Variants in GNAT1 observed in about 807,000 individuals in gnomAD.
GNAT1 encodes the protein G protein subunit alpha transducin 1.
Under a neutral mutation model 40.0 loss-of-function variants are expected in GNAT1, and 36 were observed. The observed-to-expected ratio is 0.90, with a 90% CI of 0.69 to 1.19. GNAT1 has a LOEUF of 1.19. Ranked by LOEUF, GNAT1 falls within the 50% of genes most tolerant of loss-of-function variation. GNAT1 has a pLI of 0.00. For missense variants in GNAT1, 413 were observed against 480.6 expected, an observed-to-expected ratio of 0.86 and a Z score of 1.32; for synonymous variants, 195 against 192.9, an observed-to-expected ratio of 1.01 and a Z score of -0.09.
rs369148132 is a variant in GNAT1 at position 50,193,718 on chromosome 3, G to A, written c.450-35G>A. ...GCGCGGGGCGCAGGGGGCCCTCCAC[G>A]CCTCCCCACCCACCTACGGCCGGGT... On this transcript the variant is annotated intron_variant, in intron 4 of 8. Transcript: ENST00000232461. The surrounding 1 kb of genome is among the most constrained non-coding windows in gnomAD (Gnocchi z 8.1). 2.4e-5 allele frequency: 39 copies of A among 1,599,220 alleles called. No homozygotes were observed. The highest frequency in any genetic ancestry group is 3.2e-5 in the Non-Finnish European group (38 of 1,173,554).
rs1476813148 is a variant in GNAT1 at position 50,194,547 on chromosome 3, A to G, written c.755A>G (p.His252Arg). The change falls in exon 7 of 9, where the codon CAC (histidine) becomes CGC (arginine). Residue 252 changes from histidine to arginine, a missense_variant. His to Arg is a conservative substitution (Grantham distance 29, BLOSUM62 0). Transcript: ENST00000232461. This position sits in a 1 kb window ranked among gnomAD's most constrained non-coding sequence, Gnocchi z 6.1. ...SLHLFNSICNHRYFATTSIVL... is the reference protein window; with the variant it reads ...SLHLFNSICNRRYFATTSIVL... ...CACCTGTTCAACAGCATCTGCAACC[A>G]CCGCTACTTCGCCACGACGTCCATC... 6.2e-7 allele frequency: 1 copy of G among 1,613,632 alleles called. No individual in the cohort carries two copies. The highest frequency in any genetic ancestry group is 1.3e-5 in the African/African-American group (1 of 74,896).
chr3:50,194,752 C>G lies in GNAT1; in HGVS notation c.863-13C>G. 1 of 1,613,368 alleles carries G rather than the reference C, an allele frequency of 6.2e-7. No homozygotes were observed. The highest frequency in any genetic ancestry group is 1.1e-5 in the South Asian group (1 of 91,074). ...GGAAGGGCTGAGCAGAGTGAGAGCTCCCGCCCCCGCAGGACCCAACACCTA... is the reference window on the plus strand; with the variant it reads ...GGAAGGGCTGAGCAGAGTGAGAGCTGCCGCCCCCGCAGGACCCAACACCTA... On this transcript the variant is annotated splice_polypyrimidine_tract_variant and intron_variant, in intron 7 of 8. Transcript: ENST00000232461. The surrounding 1 kb of genome is among the most constrained non-coding windows in gnomAD (Gnocchi z 6.1).
intron 8 of GNAT1, 145 bp downstream of exon 8, chr3:50,195,101 C>A (rs1365690988): frequency 4.4e-6 from 3 of 683,038 alleles, no homozygotes; most frequent in Non-Finnish European, 7.9e-6. Context: ...GGCTCCACCC[C>A]ACCGACAGAG....
Position 50,193,687 on chromosome 3 carries a change from C to T in GNAT1, c.449+24C>T, listed in dbSNP as rs1165339694. ...TAGTGAGCGCGCGGGCAGCGCGGGG[C>T]GCGGGGCGCGGGGCGCAGGGGGCCC... On this transcript the variant is annotated intron_variant, in intron 4 of 8. Coordinates refer to ENST00000232461, the MANE Select transcript of GNAT1 (RefSeq NM_144499.3). The surrounding 1 kb of genome is among the most constrained non-coding windows in gnomAD (Gnocchi z 8.1). 2.5e-6 allele frequency: 4 copies of T among 1,601,784 alleles called. No homozygotes were observed. The highest frequency in any genetic ancestry group is 3.4e-6 in the Non-Finnish European group (4 of 1,174,700).
rs761342043 is a variant in GNAT1 at position 50,191,835 on chromosome 3, G to A, written c.106+4G>A. The A allele has an allele frequency of 5.0e-6, 8 of 1,599,844 alleles. No individual in the cohort carries two copies. The highest frequency in any genetic ancestry group is 6.9e-6 in the Non-Finnish European group (8 of 1,167,260). ...ACCGTGAAGCTGCTGCTTCTGGGTA[G>A]GGGTGTGGGCCCAGGTGGGGCCACT... On this transcript the variant is annotated splice_donor_region_variant and intron_variant, in intron 1 of 8. Coordinates refer to ENST00000232461, the MANE Select transcript of GNAT1 (RefSeq NM_144499.3).
intron 1 of GNAT1, 39 bp downstream of exon 1, chr3:50,191,870 T>C: frequency 1.5e-6 from 2 of 1,325,838 alleles, no homozygotes; most frequent in Non-Finnish European, 2.2e-6. Flanking sequence ...TGCCACCAGG[T>C]CATTGGTCTG....
chr3:50,193,265 G>A lies in GNAT1; in HGVS notation c.150G>A (p.Lys50=). 6.2e-7 allele frequency: 1 copy of A among 1,614,182 alleles called. No homozygotes were observed. The highest frequency in any genetic ancestry group is 8.5e-7 in the Non-Finnish European group (1 of 1,180,026). Residue 50 remains lysine (K), a splice_region_variant and synonymous_variant, in exon 3 of 9, where the codon AAG becomes AAA. Coordinates refer to ENST00000232461, the MANE Select transcript of GNAT1 (RefSeq NM_144499.3). This position sits in a 1 kb window ranked among gnomAD's most constrained non-coding sequence, Gnocchi z 8.1. ...CTGATTCTGCTCTCCTCGGCCTCAG[G>A]ATTATCCACCAGGACGGGTACTCGC... ...SGKSTIVKQM[K]IIHQDGYSLE... is the part of the protein sequence containing the mutation.
rs371336879 is a variant in GNAT1 at position 50,193,192 on chromosome 3, G to A, written c.149+17G>A. 4 of 1,614,040 alleles carry A rather than the reference G, an allele frequency of 2.5e-6. No individual in the cohort carries two copies. Among genetic ancestry groups the A allele is most frequent in the Non-Finnish European group, 3.4e-6 (4 of 1,179,930 alleles). ...GCAGATGAAGTGAGTGCCCCTGCCT[G>A]TCCCGAGGCCCCTGGGTCTGGGTCC... On this transcript the variant is annotated intron_variant, in intron 2 of 8. Coordinates refer to ENST00000232461, the MANE Select transcript of GNAT1 (RefSeq NM_144499.3). The surrounding 1 kb of genome is among the most constrained non-coding windows in gnomAD (Gnocchi z 8.1).
At position 50,194,688 on chromosome 3, in the gene GNAT1, C is replaced by G; in HGVS notation, c.862+34C>G. Reference sequence around the variant, plus strand: ...TCCGCAAGGCCGCCAGGCGGCGCCCCCGCCCCACGATCGCGGCGCGCACCC... The same window carrying G: ...TCCGCAAGGCCGCCAGGCGGCGCCCGCGCCCCACGATCGCGGCGCGCACCC... On this transcript the variant is annotated intron_variant, in intron 7 of 8. Transcript: ENST00000232461. This position sits in a 1 kb window ranked among gnomAD's most constrained non-coding sequence, Gnocchi z 6.1. 1 of 1,611,218 alleles carries G rather than the reference C, an allele frequency of 6.2e-7. No individual in the cohort carries two copies. The highest frequency in any genetic ancestry group is 1.3e-5 in the African/African-American group (1 of 75,002).
In GNAT1 at chr3:50,192,064, C is replaced by T. The variant is rs115560086; in HGVS notation, c.106+233C>T. ...CTCCAGACGGCTCTGCCTCAGGTGACCCACCCTCCCCAGAAGTGCGTGCCA... is the reference window on the plus strand; with the variant it reads ...CTCCAGACGGCTCTGCCTCAGGTGATCCACCCTCCCCAGAAGTGCGTGCCA... On this transcript the variant is annotated intron_variant, in intron 1 of 8. Transcript: ENST00000232461. 0.026 allele frequency among the ~76,000 whole-genome samples: 3,924 copies of T among 152,278 alleles called. 159 individuals carry two copies. Among genetic ancestry groups the T allele is most frequent in the African/African-American group, 0.089 (3,694 of 41,540 alleles).
In GNAT1 at chr3:50,196,522, C is replaced by G. The variant is rs942747309; in HGVS notation, c.*1256C>G. The G allele has an allele frequency of 6.6e-6, 1 of 152,640 alleles. No homozygotes were observed. Among genetic ancestry groups the G allele is most frequent in the African/African-American group, 2.4e-5 (1 of 41,434 alleles). 9.5% of individuals were successfully genotyped at this position (152,640 alleles called of 1,614,324 possible). A position where few individuals can be genotyped will look rare whatever the true frequency, so the allele number is the denominator to read the frequency against. On this transcript the variant is annotated 3_prime_UTR_variant, in exon 9 of 9. Transcript: ENST00000232461. ...AATAAACCTTTGCATCAGGCTCCAG[C>G]TGTCCTTTCTTGGTGGAGGACTTAA...
At position 50,197,051 on chromosome 3, in the gene GNAT1, G is replaced by A. The variant is rs1169700103; in HGVS notation, c.*1785G>A. 6.6e-6 allele frequency among the ~76,000 whole-genome samples: 1 copy of A among 152,022 alleles called. No individual in the cohort carries two copies. Among genetic ancestry groups the A allele is most frequent in the Admixed American group, 6.5e-5 (1 of 15,272 alleles). On this transcript the variant is annotated 3_prime_UTR_variant, in exon 9 of 9. Coordinates refer to ENST00000232461, the MANE Select transcript of GNAT1 (RefSeq NM_144499.3). The stretch of plus-strand genomic sequence containing the variant: ...TTAGTAACCAAGGTAAATAATATTA[G>A]GATAATATTTTTAAAAATCAAATGA...
chr3:50,194,886 C>T lies in GNAT1; in HGVS notation c.984C>T (p.Val328=), dbSNP rs1699479857. The part of the protein sequence containing the change: ...HMTCATDTQN[V]KFVFDAVTDI... The stretch of plus-strand genomic sequence containing the variant: ...CGTGCGCCACCGACACGCAGAACGT[C>T]AAATTTGTCTTCGACGCTGTCACCG... The change falls in exon 8 of 9, where the codon GTC becomes GTT. Residue 328 remains valine (V), a synonymous_variant. Coordinates refer to ENST00000232461, the MANE Select transcript of GNAT1 (RefSeq NM_144499.3). This position sits in a 1 kb window ranked among gnomAD's most constrained non-coding sequence, Gnocchi z 6.1. 1 of 1,613,888 alleles carries T rather than the reference C, an allele frequency of 6.2e-7. No individual in the cohort carries two copies. Among genetic ancestry groups the T allele is most frequent in the South Asian group, 1.1e-5 (1 of 91,080 alleles).
intron 8 of GNAT1, 95 bp downstream of exon 8, chr3:50,195,051 C>A: frequency 1.1e-6 from 1 of 923,984 alleles, no homozygotes; most frequent in Non-Finnish European, 1.7e-6. Flanking sequence ...ACCCCCAAAT[C>A]CTGGAGCCTA....
Position 50,194,296 on chromosome 3 carries a change from C to T in GNAT1, c.708+75C>T. On this transcript the variant is annotated intron_variant, in intron 6 of 8. Coordinates refer to ENST00000232461, the MANE Select transcript of GNAT1 (RefSeq NM_144499.3). This position sits in a 1 kb window ranked among gnomAD's most constrained non-coding sequence, Gnocchi z 6.1. ...GGTCCCTGGAGGCGGAGACCGCGCG[C>T]TGGGCTGGGGGAGGGCACGGGAGGG... 6.6e-7 allele frequency: 1 copy of T among 1,520,586 alleles called. No homozygotes were observed. The highest frequency in any genetic ancestry group is 1.2e-5 in the South Asian group (1 of 82,954). 94.2% of individuals were successfully genotyped at this position (1,520,586 alleles called of 1,614,324 possible). A position where few individuals can be genotyped will look rare whatever the true frequency, so the allele number is the denominator to read the frequency against.
Position 50,195,433 on chromosome 3 carries a change from T to G in GNAT1, c.*167T>G. ...GCCTTGAGGCGCGGACCCTCCCCCA[T>G]ACCTCCCACAGTATCCCAGCGCCTC... On this transcript the variant is annotated 3_prime_UTR_variant, in exon 9 of 9. Coordinates refer to ENST00000232461, the MANE Select transcript of GNAT1 (RefSeq NM_144499.3). 4.7e-6 allele frequency: 1 copy of G among 211,616 alleles called. No individual in the cohort carries two copies. Among genetic ancestry groups the G allele is most frequent in the Non-Finnish European group, 9.8e-6 (1 of 102,428 alleles). 13.1% of individuals were successfully genotyped at this position (211,616 alleles called of 1,614,324 possible).
rs1274744368 is a variant in GNAT1 at position 50,197,090 on chromosome 3, CAATG to C, written c.*1831_*1834del. 1.3e-5 allele frequency among the ~76,000 whole-genome samples: 2 copies of C among 152,078 alleles called. No individual in the cohort carries two copies. The highest frequency in any genetic ancestry group is 2.9e-5 in the Non-Finnish European group (2 of 68,024). On this transcript the variant is annotated 3_prime_UTR_variant, in exon 9 of 9. Transcript: ENST00000232461. The stretch of plus-strand genomic sequence containing the variant: ...AAAATCAAATGAATGCAAAACCCCA[CAATG>C]AATGAAATATCAAAATCCAACAGAG...
Position 50,194,827 on chromosome 3 carries a change from C to T in GNAT1, c.925C>T (p.Arg309Trp). The change falls in exon 8 of 9, where the codon CGG becomes TGG. Residue 309 changes from arginine to tryptophan, a missense_variant. Coordinates refer to ENST00000232461, the MANE Select transcript of GNAT1 (RefSeq NM_144499.3). This position sits in a 1 kb window ranked among gnomAD's most constrained non-coding sequence, Gnocchi z 6.1. ...GGTGCAGTTCCTCGAGCTCAACATG[C>T]GGCGCGACGTGAAGGAGATCTATTC... Reference protein sequence around the residue: ...IKVQFLELNMRRDVKEIYSHM... With the variant: ...IKVQFLELNMWRDVKEIYSHM... 6.2e-7 allele frequency: 1 copy of T among 1,613,902 alleles called. No homozygotes were observed. The highest frequency in any genetic ancestry group is 8.5e-7 in the Non-Finnish European group (1 of 1,179,944).
At chr3:50,195,031 C>G in intron 8 of GNAT1, 75 bp downstream of exon 8, 1 of 1,091,868 alleles carries the variant, frequency 9.2e-7, no homozygotes, top group South Asian at 1.3e-5. Flanking sequence ...CACCACGGCC[C>G]TGGAGCCTCA....
Sources: allele counts gnomAD v4.1 joint callset (sites outside exome capture counted in the v4.1 genomes callset), GRCh38; gene constraint gnomAD v4.1.1; non-coding constraint Gnocchi (gnomAD v3.1); transcripts MANE v1.5; gene names NCBI Gene and HGNC (gene_info 2026-07-23, HGNC 2026-07-21).